The following API5 variants were observed in gnomAD, a reference collection of about 807,000 sequenced individuals.
The protein encoded by API5 is FIF.
API5 carries 6 observed loss-of-function variants against 71.9 expected under a neutral mutation model. That is an observed-to-expected ratio of 0.08 (90% CI 0.05 to 0.16). The LOEUF is 0.16. API5 is among the 10% of genes least tolerant of loss of function. The pLI is 1.00. For synonymous variants in API5, 189 were observed against 221.3 expected, an observed-to-expected ratio of 0.85 and a Z score of 1.30; for missense variants, 332 against 612.8, an observed-to-expected ratio of 0.54 and a Z score of 4.84.
intron 1 of API5, among the ~76,000 whole-genome samples, chr11:43,317,947 A>T (rs1432837541): frequency 6.6e-6 from 1 of 152,040 alleles, no homozygotes; most frequent in Non-Finnish European, 1.5e-5. Context: ...AAGTGTTGAG[A>T]TTACAGGCAT....
chr11:43,318,338 C>T, intron 1 of API5: 1 of 1,288,768 alleles, frequency 7.8e-7, no homozygotes, highest in Non-Finnish European at 1.1e-6. Flanking sequence ...ATGATACAGT[C>T]ACATGGCCAG....
chr11:43,337,302 G>A (rs770378798), intron 13 of API5, among the ~76,000 whole-genome samples: 11 of 152,052 alleles, frequency 7.2e-5, no homozygotes, highest in Non-Finnish European at 1.5e-4. Context: ...ACTCCAGCTG[G>A]GTGACCAAGC....
chr11:43,314,779 C>T (rs1854612903), intron 1 of API5, among the ~76,000 whole-genome samples: 1 of 152,168 alleles, frequency 6.6e-6, no homozygotes, highest in African/African-American at 2.4e-5. Context: ...ACTAATTCTG[C>T]TCTGTTGGGT....
chr11:43,333,617 T>C (rs1478223423), intron 11 of API5, among the ~76,000 whole-genome samples: 6 of 152,234 alleles, frequency 3.9e-5, no homozygotes, highest in East Asian at 3.8e-4. Context: ...CAGATAGATA[T>C]ATGACTGGCT....
chr11:43,339,470 G>C (rs1855541690), intron 13 of API5: 1 of 152,166 alleles, frequency 6.6e-6, no homozygotes, highest in South Asian at 2.1e-4. Context: ...GTCCAGCCTT[G>C]TGATAACTTC....
chr11:43,328,251 T>C (rs1239336626), intron 8 of API5, among the ~76,000 whole-genome samples: 1 of 152,226 alleles, frequency 6.6e-6, no homozygotes, highest in Non-Finnish European at 1.5e-5. Context: ...CTGAATGCCA[T>C]TGGCAGTACT....
chr11:43,330,463 T>C (rs1362352700), intron 10 of API5, 45 bp from the exon 11 acceptor site: 1 of 1,345,308 alleles, frequency 7.4e-7, no homozygotes, highest in South Asian at 1.2e-5. Flanking sequence ...TTATGCCTCA[T>C]AGAAGTTATT....
At chr11:43,327,035 T>G (rs1353488511) in intron 7 of API5, among the ~76,000 whole-genome samples, 1 of 152,256 alleles carries the variant, frequency 6.6e-6, no homozygotes, top group African/African-American at 2.4e-5. Flanking sequence ...TGTAATACTT[T>G]ACATTTGTTT....
rs998652073 is a variant in API5, at chr11:43,343,023, C to T, written c.*513C>T. Reference sequence around the variant, plus strand: ...TAGTGTCATAAAAGCAAAATACTTACATAGCTTTCTTAAAATATAGGAATG... The same window carrying T: ...TAGTGTCATAAAAGCAAAATACTTATATAGCTTTCTTAAAATATAGGAATG... On this transcript the variant is annotated 3_prime_UTR_variant, in exon 14 of 14. Coordinates refer to ENST00000531273, the MANE Select transcript of API5 (RefSeq NM_001142930.2). The T allele has an allele frequency of 5.8e-5, 10 of 173,898 alleles. No homozygotes were observed. The highest frequency in any genetic ancestry group is 2.4e-4 in the African/African-American group (10 of 42,342). The allele number at this position is 173,898 out of a possible 1,614,324, so 10.8% of individuals were successfully genotyped here. A position where few individuals can be genotyped will look rare whatever the true frequency, so the allele number is the denominator to read the frequency against.
At chr11:43,317,523 T>C (rs964536797) in intron 1 of API5, among the ~76,000 whole-genome samples, 3 of 152,212 alleles carry the variant, frequency 2.0e-5, no homozygotes, top group African/African-American at 7.2e-5. Context: ...TGCTATGAGG[T>C]AAAATTAAAC....
At chr11:43,316,016 T>C (rs887520648) in intron 1 of API5, among the ~76,000 whole-genome samples, 2 of 152,222 alleles carry the variant, frequency 1.3e-5, no homozygotes, top group Admixed American at 6.5e-5. Context: ...TGTATAATGC[T>C]GAAACCCTGA....
intron 7 of API5, among the ~76,000 whole-genome samples, chr11:43,327,451 A>C (rs531950169): frequency 6.6e-6 from 1 of 152,370 alleles, no homozygotes; most frequent in East Asian, 1.9e-4. Flanking sequence ...TTTGCCTTGC[A>C]ATTAGCACAA....
In API5 at chr11:43,342,672, C is replaced by A. The variant is rs1162647360; in HGVS notation, c.*162C>A. 2 of 760,410 alleles carry A rather than the reference C, an allele frequency of 2.6e-6. No individual in the cohort carries two copies. The highest frequency in any genetic ancestry group is 2.0e-5 in the Admixed American group (1 of 49,940). The allele number at this position is 760,410 out of a possible 1,614,324, so 47.1% of individuals were successfully genotyped here. ...TGTATGACCTACTTTTGTAACAGAC[C>A]ATGGTTGTGTCCAAGGTAAAACCAC... On this transcript the variant is annotated 3_prime_UTR_variant, in exon 14 of 14. Coordinates refer to ENST00000531273, the MANE Select transcript of API5 (RefSeq NM_001142930.2).
chr11:43,313,458 T>A (rs1854560502), intron 1 of API5, among the ~76,000 whole-genome samples: 1 of 152,202 alleles, frequency 6.6e-6, no homozygotes, highest in African/African-American at 2.4e-5. Flanking sequence ...TAGAACTTTG[T>A]GATTTTTCTG....
At chr11:43,323,160 A>G (rs1013670365) in intron 5 of API5, among the ~76,000 whole-genome samples, 5 of 151,324 alleles carry the variant, frequency 3.3e-5, no homozygotes, top group African/African-American at 4.9e-5. Flanking sequence ...TATACACTGT[A>G]TATCTGTTTA....
intron 11 of API5, among the ~76,000 whole-genome samples, chr11:43,334,791 TAG>T (rs1855374993): frequency 6.6e-6 from 1 of 152,170 alleles, no homozygotes; most frequent in Non-Finnish European, 1.5e-5. Flanking sequence ...GAAACATGAT[TAG>T]CCAGAGTTTT....
At chr11:43,330,366 C>A in intron 10 of API5, 142 bp from the exon 11 acceptor site, 1 of 715,984 alleles carries the variant, frequency 1.4e-6, no homozygotes, top group African/African-American at 1.8e-5. Flanking sequence ...TACGCATTAT[C>A]TATAGATTTA....
At position 43,319,592 on chromosome 11, in the gene API5, A is replaced by AT. The variant is rs573876231; in HGVS notation, c.231+798dup. On this transcript the variant is annotated intron_variant, in intron 2 of 13. Transcript: ENST00000531273. ...GACCACCGTTCCCAGCTGATTTTTA[A>AT]TTTTTTTGTAGGGTCTTGCCATGTT... 2.1e-3 allele frequency among the ~76,000 whole-genome samples: 316 copies of AT among 152,056 alleles called. 2 individuals carry two copies. The highest frequency in any genetic ancestry group is 7.2e-3 in the African/African-American group (298 of 41,482).
intron 1 of API5, among the ~76,000 whole-genome samples, chr11:43,317,456 C>T (rs530044984): frequency 6.6e-6 from 1 of 151,950 alleles, no homozygotes; most frequent in South Asian, 2.1e-4. Flanking sequence ...CATTAGAGTC[C>T]GTCTTAATCC....
Sources: gnomAD v4.1 joint callset for allele counts (sites outside exome capture counted in the v4.1 genomes callset) on GRCh38, gnomAD v4.1.1 for gene constraint, MANE v1.5 for transcripts, NCBI Gene and HGNC (gene_info 2026-07-23, HGNC 2026-07-21) for gene names.